The following RFX3 variants were observed in gnomAD, a reference collection of about 807,000 sequenced individuals.
RFX3 encodes regulatory factor X3, also known as transcription factor RFX3.
A neutral mutation model predicts 98.6 loss-of-function variants in RFX3; 14 were observed. The observed-to-expected ratio is 0.14, with a 90% CI of 0.09 to 0.22. The LOEUF is 0.22. RFX3 is among the 10% of genes least tolerant of loss of function. The probability of loss-of-function intolerance (pLI) is 1.00; values close to 1 mark genes in which losing one functional copy is unlikely to be tolerated. For synonymous variants in RFX3, 383 were observed against 328.4 expected (o/e 1.17, Z -1.80); for missense variants, 639 against 926.9 (o/e 0.69, Z 4.03).
chr9:3,439,088 G>A (rs1215560655), intron 1 of RFX3, among the ~76,000 whole-genome samples: 2 of 150,972 alleles, frequency 1.3e-5, no homozygotes, highest in Non-Finnish European at 3.0e-5. Flanking sequence ...GGTCAAAGAA[G>A]AAACAAAAAC....
At chr9:3,367,471 G>C (rs1837342376) in intron 2 of RFX3, among the ~76,000 whole-genome samples, 1 of 152,162 alleles carries the variant, frequency 6.6e-6, no homozygotes, top group Admixed American at 6.5e-5. Context: ...ATGGAACAGA[G>C]AACTCAATCA....
intron 10 of RFX3, 70 bp from the exon 11 acceptor site, chr9:3,270,595 TAGTTTA>T: frequency 6.8e-7 from 1 of 1,470,086 alleles, no homozygotes; most frequent in African/African-American, 1.4e-5. Flanking sequence ...ACTTTAAAAA[TAGTTTA>T]AGTTTACCAA....
chr9:3,441,357 T>C (rs1051155497), intron 1 of RFX3, among the ~76,000 whole-genome samples: 3 of 152,148 alleles, frequency 2.0e-5, no homozygotes, highest in Non-Finnish European at 4.4e-5. Flanking sequence ...CATTTACATA[T>C]GTTTCCTGGT....
intron 11 of RFX3, 78 bp downstream of exon 11, chr9:3,270,293 T>G: frequency 7.3e-7 from 1 of 1,363,472 alleles, no homozygotes; most frequent in East Asian, 2.3e-5. Flanking sequence ...CATTCTAGAT[T>G]GCAATGTCAC....
intron 1 of RFX3, among the ~76,000 whole-genome samples, chr9:3,459,599 A>T (rs1456838837): frequency 6.6e-6 from 1 of 152,190 alleles, no homozygotes; most frequent in Non-Finnish European, 1.5e-5. Flanking sequence ...TACATAATAC[A>T]TAACAATACT....
At chr9:3,375,923 G>A (rs1350869437) in intron 2 of RFX3, among the ~76,000 whole-genome samples, 1 of 151,870 alleles carries the variant, frequency 6.6e-6, no homozygotes, top group African/African-American at 2.4e-5. Flanking sequence ...TAGCGCCACT[G>A]CACTCCAGCC....
At chr9:3,396,475 G>A (rs1367585862) in intron 1 of RFX3, among the ~76,000 whole-genome samples, 5 of 152,096 alleles carry the variant, frequency 3.3e-5, no homozygotes, top group African/African-American at 1.2e-4. Flanking sequence ...AGTCTTTGCT[G>A]TTGTGAATAG....
chr9:3,297,408 T>C lies in RFX3; in HGVS notation c.549+4138A>G, dbSNP rs150965413. 6.2e-3 allele frequency among the ~76,000 whole-genome samples: 942 copies of C among 152,176 alleles called. 3 individuals carry two copies. The highest frequency in any genetic ancestry group is 9.9e-3 in the Non-Finnish European group (676 of 67,964). ...CATTTAATGGTGGAAACGAAGATAA[T>C]TGCATCTTTCAACCTTTGCATTTAA... On this transcript the variant is annotated intron_variant, in intron 5 of 16. Transcript: ENST00000617270.
At chr9:3,298,328 C>A (rs538160452) in intron 5 of RFX3, among the ~76,000 whole-genome samples, 90 of 151,832 alleles carry the variant, frequency 5.9e-4, no homozygotes, top group African/African-American at 2.0e-3. Flanking sequence ...GAAGACCACC[C>A]TTTACCAACG....
intron 1 of RFX3, among the ~76,000 whole-genome samples, chr9:3,518,137 G>C (rs1006167095): frequency 2.0e-5 from 3 of 152,184 alleles, no homozygotes; most frequent in Non-Finnish European, 4.4e-5. Context: ...TAGGCGTGTA[G>C]CAGGCTATAC....
intron 1 of RFX3, among the ~76,000 whole-genome samples, chr9:3,445,140 C>T (rs1364891071): frequency 6.6e-6 from 1 of 151,860 alleles, no homozygotes; most frequent in Non-Finnish European, 1.5e-5. Context: ...CAATCTTCAA[C>T]TGAGTTATCT....
In RFX3 at chr9:3,271,033, G is replaced by A; in HGVS notation, c.1172C>T (p.Pro391Leu). The change falls in exon 10 of 17, where the codon CCA becomes CTA. Residue 391 changes from proline (P) to leucine (L), a missense_variant. By Grantham distance (98) the Pro-to-Leu change is moderately conservative (BLOSUM62 -3). Around this residue, in one of 9 missense-constraint regions of RFX3, gnomAD observed 30 missense variants for 23.0 expected, o/e 1.30. Transcript: ENST00000617270. The part of the protein sequence containing the change: ...QTFWRYSPST[P>L]TDGTTITESS... ...TTCGGTAATGGTAGTGCCATCAGTT[G>A]GAGTAGAGGGAGAATAGCGCCAGAA... 1.2e-6 allele frequency: 2 copies of A among 1,613,572 alleles called. No individual in the cohort carries two copies. The highest frequency in any genetic ancestry group is 1.7e-6 in the Non-Finnish European group (2 of 1,179,596).
chr9:3,502,769 C>G (rs557790037), intron 1 of RFX3, among the ~76,000 whole-genome samples: 1 of 152,044 alleles, frequency 6.6e-6, no homozygotes, highest in African/African-American at 2.4e-5. Context: ...AATGGACTGG[C>G]AATGTGAATG....
chr9:3,344,661 T>A, intron 3 of RFX3: 1 of 580,682 alleles, frequency 1.7e-6, no homozygotes, highest in Non-Finnish European at 3.1e-6. Flanking sequence ...AAACTCCCAT[T>A]CTCACATTCC....
At chr9:3,347,551 C>G (rs980215300) in intron 2 of RFX3, among the ~76,000 whole-genome samples, 1 of 152,050 alleles carries the variant, frequency 6.6e-6, no homozygotes, top group Non-Finnish European at 1.5e-5. Flanking sequence ...AGGCCGGGTG[C>G]GGTGGCTCAC....
intron 1 of RFX3, among the ~76,000 whole-genome samples, chr9:3,516,711 T>C (rs546427704): frequency 2.0e-5 from 3 of 151,900 alleles, no homozygotes; most frequent in Non-Finnish European, 2.9e-5. Context: ...ACACATGCAC[T>C]AGCTCGCTTT....
chr9:3,504,253 T>C (rs1221489912), intron 1 of RFX3, among the ~76,000 whole-genome samples: 3 of 132,520 alleles, frequency 2.3e-5, no homozygotes, highest in Non-Finnish European at 3.1e-5. Flanking sequence ...ATATATTTTA[T>C]ATATAATATA....
intron 2 of RFX3, among the ~76,000 whole-genome samples, chr9:3,376,723 C>A (rs960712375): frequency 6.6e-5 from 10 of 152,170 alleles, no homozygotes; most frequent in Non-Finnish European, 1.2e-4. Context: ...CCAGAATCTA[C>A]AATGAACTCA....
At chr9:3,504,935 A>ATATATAATATAACATATATTATAT (rs1564185846) in intron 1 of RFX3, among the ~76,000 whole-genome samples, 10 of 63,926 alleles carry the variant, frequency 1.6e-4, no homozygotes, top group South Asian at 4.5e-4. Context: ...TATTATATAT[A>ATATATAATATAACATATATTATAT]ATATATATAA....
Sources: gnomAD v4.1 joint callset for allele counts (sites outside exome capture counted in the v4.1 genomes callset) on GRCh38, gnomAD v4.1.1 for gene constraint, gnomAD v4.1.1 regional missense constraint, MANE v1.5 for transcripts, NCBI Gene and HGNC (gene_info 2026-07-23, HGNC 2026-07-21) for gene names.